The following TRNAU1AP variants were observed in gnomAD, a reference collection of about 807,000 sequenced individuals.
TRNAU1AP encodes the protein tRNA selenocysteine 1 associated protein 1.
In TRNAU1AP, 33 loss-of-function variants were observed where a neutral mutation model predicts 43.3. The ratio of observed to expected loss-of-function variants is 0.76; its 90% CI spans 0.58 to 1.02. The LOEUF is 1.02. Among genes scored for constraint, TRNAU1AP ranks in the 50% least tolerant of loss-of-function variants. TRNAU1AP has a pLI of 0.00. For synonymous variants in TRNAU1AP, 143 were observed against 129.1 expected (o/e 1.11, Z -0.73); for missense variants, 290 against 362.7 (o/e 0.80, Z 1.63).
chr1:28,557,983 C>T lies in TRNAU1AP; in HGVS notation c.126-2650C>T, dbSNP rs565786450. Among the ~76,000 whole-genome samples, 368 of 151,562 alleles carry T rather than the reference C, an allele frequency of 2.4e-3. 2 individuals are homozygous for T. Among genetic ancestry groups the T allele is most frequent in the African/African-American group, 8.7e-3 (358 of 41,242 alleles). ...TGATCTCGACTCACTGCAACCTCCA[C>T]CTCCCAAATTCAAGCAGTTCTCCTG... On this transcript the variant is annotated intron_variant, in intron 2 of 8. Transcript: ENST00000373830.
At chr1:28,570,149 A>C (rs535386672) in intron 6 of TRNAU1AP, among the ~76,000 whole-genome samples, 3 of 152,286 alleles carry the variant, frequency 2.0e-5, no homozygotes. Flanking sequence ...CATCTCTGCT[A>C]AAAGTACAAA....
In TRNAU1AP at chr1:28,561,048, A is replaced by G. The variant is rs1397471683; in HGVS notation, c.226-298A>G. 4 of 1,347,880 alleles carry G rather than the reference A, an allele frequency of 3.0e-6. No homozygotes were observed. In the East Asian group the frequency reaches 9.2e-5, roughly 31 times the overall value. 83.5% of individuals were successfully genotyped at this position (1,347,880 alleles called of 1,614,324 possible). ...CTCTAGACCTCTTGCCTGATTGGGA[A>G]ACTAGAATAGGCTGGCAGCAGCAAG... On this transcript the variant is annotated intron_variant, in intron 3 of 8. Coordinates refer to ENST00000373830, the MANE Select transcript of TRNAU1AP (RefSeq NM_017846.5).
At chr1:28,572,498 T>C (rs1397860955) in intron 8 of TRNAU1AP, among the ~76,000 whole-genome samples, 1 of 152,022 alleles carries the variant, frequency 6.6e-6, no homozygotes, top group Admixed American at 6.6e-5. Context: ...GCCTGGCCGA[T>C]AATACTGTTA....
At chr1:28,566,332 GAA>G (rs1665538127) in intron 5 of TRNAU1AP, among the ~76,000 whole-genome samples, 1 of 125,086 alleles carries the variant, frequency 8.0e-6, no homozygotes, top group Non-Finnish European at 1.8e-5. Context: ...AAAAAAAAAA[GAA>G]GAGCCGGGCG....
rs1433879338 is a variant in TRNAU1AP at position 28,578,196 on chromosome 1, T to C, written c.*560T>C. ...ATGGGTTTCATCTATTTTCATGAGT[T>C]GCAGCATCTGCATATACAAGGCCTG... On this transcript the variant is annotated 3_prime_UTR_variant, in exon 9 of 9. Coordinates refer to ENST00000373830, the MANE Select transcript of TRNAU1AP (RefSeq NM_017846.5). 6.3e-6 allele frequency: 1 copy of C among 158,086 alleles called. No individual in the cohort carries two copies. Among genetic ancestry groups the C allele is most frequent in the Non-Finnish European group, 1.4e-5 (1 of 71,626 alleles). 9.8% of individuals were successfully genotyped at this position (158,086 alleles called of 1,614,324 possible).
chr1:28,567,465 CTCTTT>C (rs1459491872), intron 6 of TRNAU1AP, 52 bp downstream of exon 6: 1 of 1,535,270 alleles, frequency 6.5e-7, no homozygotes, highest in Non-Finnish European at 8.7e-7. Context: ...CCAGACACTC[CTCTTT>C]TGTTTGCTGA....
Position 28,553,643 on chromosome 1 carries a change from G to A in TRNAU1AP, c.31G>A (p.Glu11Lys). 6.2e-7 allele frequency: 1 copy of A among 1,613,950 alleles called. No homozygotes were observed. The highest frequency in any genetic ancestry group is 8.5e-7 in the Non-Finnish European group (1 of 1,180,004). The change falls in exon 2 of 9, where the codon GAA (glutamate) becomes AAA (lysine). Residue 11 changes from glutamate (E) to lysine (K), a missense_variant. By Grantham distance (56) the Glu-to-Lys change is moderately conservative. Transcript: ENST00000373830. The part of the protein sequence containing the change: MAASLWMGDL[E>K]PYMDENFISR... ...CTGTGCTCTTGTTTTTACGCAGCTG[G>A]AACCCTACATGGATGAGAACTTCAT...
intron 7 of TRNAU1AP, among the ~76,000 whole-genome samples, chr1:28,571,589 C>T (rs528046779): frequency 1.5e-4 from 23 of 152,180 alleles, no homozygotes; most frequent in African/African-American, 4.6e-4. Context: ...CAAAACCAGC[C>T]TGGCCAACAT....
intron 6 of TRNAU1AP, among the ~76,000 whole-genome samples, chr1:28,568,035 A>G (rs1167780047): frequency 1.3e-5 from 2 of 152,112 alleles, no homozygotes; most frequent in Non-Finnish European, 1.5e-5. Context: ...ATGGTGGTGC[A>G]TGCCTGTAGT....
chr1:28,559,414 A>G (rs1302241870), intron 2 of TRNAU1AP, among the ~76,000 whole-genome samples: 1 of 152,060 alleles, frequency 6.6e-6, no homozygotes, highest in African/African-American at 2.4e-5. Context: ...AGATCACCTG[A>G]GGTCGGGAGT....
In TRNAU1AP at chr1:28,553,235, A is replaced by T; in HGVS notation, c.27+98A>T. On this transcript the variant is annotated intron_variant, in intron 1 of 8. Transcript: ENST00000373830. ...GTGGGAGGGGACTTGGGATCCCAGAAAGGGGAGACGTGTGACGGGGGTTCT... is the reference window on the plus strand; with the variant it reads ...GTGGGAGGGGACTTGGGATCCCAGATAGGGGAGACGTGTGACGGGGGTTCT... 2.3e-6 allele frequency: 3 copies of T among 1,282,082 alleles called. No homozygotes were observed. The East Asian group carries it at 8.5e-5, about 36-fold the overall frequency. The allele number at this position is 1,282,082 out of a possible 1,614,324, so 79.4% of individuals were successfully genotyped here. A position where few individuals can be genotyped will look rare whatever the true frequency, so the allele number is the denominator to read the frequency against.
intron 4 of TRNAU1AP, among the ~76,000 whole-genome samples, chr1:28,563,465 C>T (rs1315288394): frequency 3.3e-5 from 5 of 151,664 alleles, no homozygotes; most frequent in African/African-American, 1.2e-4. Context: ...GGTGGATCAC[C>T]TGCGGTCGGG....
chr1:28,554,005 C>G (rs1665194614), intron 2 of TRNAU1AP: 2 of 291,118 alleles, frequency 6.9e-6, no homozygotes, highest in Non-Finnish European at 1.4e-5. Context: ...TGAGACCAGC[C>G]TGGCCAACAT....
At chr1:28,562,676 G>A (rs1324032768) in intron 4 of TRNAU1AP, among the ~76,000 whole-genome samples, 1 of 151,718 alleles carries the variant, frequency 6.6e-6, no homozygotes, top group Non-Finnish European at 1.5e-5. Context: ...CGCCTCCCGG[G>A]TTCATGCCGT....
chr1:28,561,477 G>C, intron 4 of TRNAU1AP, 79 bp downstream of exon 4: 1 of 1,545,564 alleles, frequency 6.5e-7, no homozygotes. Context: ...AGGGGAGCCG[G>C]TTTGGCTGCA....
At chr1:28,553,501 C>A in intron 1 of TRNAU1AP, 139 bp from the exon 2 acceptor site, 1 of 770,470 alleles carries the variant, frequency 1.3e-6, no homozygotes, top group Non-Finnish European at 2.1e-6. Flanking sequence ...GGGTTTCAGG[C>A]CGCTCAGTGG....
chr1:28,566,085 C>G (rs985050693), intron 5 of TRNAU1AP, among the ~76,000 whole-genome samples: 2 of 151,884 alleles, frequency 1.3e-5, no homozygotes, highest in African/African-American at 4.8e-5. Flanking sequence ...GGGAGACAGG[C>G]GGGTGGATCA....
intron 6 of TRNAU1AP, among the ~76,000 whole-genome samples, chr1:28,569,598 C>T (rs903571098): frequency 7.3e-5 from 11 of 150,068 alleles, no homozygotes; most frequent in African/African-American, 1.5e-4. Context: ...AGGCTGAGAC[C>T]GGAGAATGGC....
intron 8 of TRNAU1AP, among the ~76,000 whole-genome samples, chr1:28,573,188 C>T (rs1665699519): frequency 6.7e-6 from 1 of 150,300 alleles, no homozygotes; most frequent in African/African-American, 2.4e-5. Flanking sequence ...CACATGCCAC[C>T]ACGCCCAGCT....
Sources: allele counts gnomAD v4.1 joint callset (sites outside exome capture counted in the v4.1 genomes callset), GRCh38; gene constraint gnomAD v4.1.1; transcripts MANE v1.5; gene names NCBI Gene and HGNC (gene_info 2026-07-23, HGNC 2026-07-21).